Variants in ODAD2 observed in about 807,000 individuals in gnomAD.
ODAD2 encodes outer dynein arm-docking complex subunit 2.
In ODAD2, 89 loss-of-function variants were observed where a neutral mutation model predicts 106.8. The observed-to-expected ratio is 0.83, with a 90% CI of 0.70 to 0.99. ODAD2 has a LOEUF of 0.99. Ranked by LOEUF, ODAD2 falls within the 50% of genes least tolerant of loss-of-function variation. The pLI is 0.00. For missense variants in ODAD2, 1,168 were observed against 1,238.5 expected, an observed-to-expected ratio of 0.94 and a Z score of 0.85; for synonymous variants, 404 against 436.2, an observed-to-expected ratio of 0.93 and a Z score of 0.92.
chr10:27,945,577 C>G (rs567346032), intron 10 of ODAD2, among the ~76,000 whole-genome samples: 1 of 152,088 alleles, frequency 6.6e-6, no homozygotes, highest in Non-Finnish European at 1.5e-5. Context: ...TCTTGCAAAC[C>G]AATGTCTTCT....
chr10:27,864,778 A>G (rs932957091), intron 17 of ODAD2, among the ~76,000 whole-genome samples: 2 of 152,066 alleles, frequency 1.3e-5, no homozygotes, highest in African/African-American at 4.8e-5. Context: ...ACTTGGCTCT[A>G]TCACTTTCTC....
At chr10:27,879,665 A>G (rs1841575218) in intron 17 of ODAD2, among the ~76,000 whole-genome samples, 1 of 152,142 alleles carries the variant, frequency 6.6e-6, no homozygotes, top group Admixed American at 6.5e-5. Context: ...TCTTCAATTT[A>G]TGAAGAGATT....
intron 17 of ODAD2, among the ~76,000 whole-genome samples, chr10:27,893,639 A>T (rs943337631): frequency 7.9e-5 from 12 of 152,260 alleles, no homozygotes; most frequent in African/African-American, 2.9e-4. Flanking sequence ...AGTTGAAAAC[A>T]ATGTAGAAAT....
intron 2 of ODAD2, among the ~76,000 whole-genome samples, chr10:27,994,207 C>T: frequency 6.6e-6 from 1 of 151,806 alleles, no homozygotes; most frequent in East Asian, 1.9e-4. Context: ...TTGAAAGGCT[C>T]TAATCTGAGG....
chr10:27,985,084 C>G lies in ODAD2; in HGVS notation c.510G>C (p.Lys170Asn). The change falls in exon 4 of 20, where the codon AAG becomes AAC. Residue 170 changes from lysine (K) to asparagine (N), a missense_variant. Coordinates refer to ENST00000305242, the MANE Select transcript of ODAD2 (RefSeq NM_018076.5). ...CCAATTGCTTAAGCAGCATAGCAAT[C>G]TTCATCTTAATTTCACTTTCAGGAT... ...DDDPESEIKM[K>N]IAMLLKQLDL... 1 of 1,607,810 alleles carries G rather than the reference C, an allele frequency of 6.2e-7. No individual in the cohort carries two copies. The highest frequency in any genetic ancestry group is 2.2e-5 in the East Asian group (1 of 44,764).
At chr10:27,869,080 C>A (rs1419747630) in intron 17 of ODAD2, among the ~76,000 whole-genome samples, 2 of 151,688 alleles carry the variant, frequency 1.3e-5, no homozygotes, top group East Asian at 1.9e-4. Flanking sequence ...AAAAAAGCAA[C>A]TTTTTAAAAG....
intron 19 of ODAD2, among the ~76,000 whole-genome samples, chr10:27,819,833 T>TAA (rs34381002): frequency 1.4e-5 from 2 of 145,120 alleles, no homozygotes; most frequent in East Asian, 2.0e-4. Context: ...CTTATCTCTT[T>TAA]AAAAAAAAAA....
At chr10:27,876,472 G>A (rs750332533) in intron 17 of ODAD2, among the ~76,000 whole-genome samples, 14 of 152,220 alleles carry the variant, frequency 9.2e-5, no homozygotes, top group Non-Finnish European at 1.8e-4. Flanking sequence ...CAGCAGACCT[G>A]CAGCTGAGGG....
At chr10:27,905,711 C>G (rs1346353477) in intron 17 of ODAD2, among the ~76,000 whole-genome samples, 1 of 152,090 alleles carries the variant, frequency 6.6e-6, no homozygotes, top group Admixed American at 6.6e-5. Context: ...GAAATAATGC[C>G]ACACATCTAC....
chr10:27,866,233 T>G (rs764896532), intron 17 of ODAD2, among the ~76,000 whole-genome samples: 5 of 152,168 alleles, frequency 3.3e-5, no homozygotes, highest in Non-Finnish European at 7.3e-5. Flanking sequence ...AGCTTTAGTA[T>G]TTGCATGTCA....
At position 27,812,517 on chromosome 10, in the gene ODAD2, T is replaced by C. The variant is rs763015694; in HGVS notation, c.3130A>G (p.Thr1044Ala). The C allele has an allele frequency of 3.1e-6, 5 of 1,613,008 alleles. No individual in the cohort carries two copies. Among genetic ancestry groups the C allele is most frequent in the East Asian group, 4.5e-5 (2 of 44,808 alleles). Residue 1044 changes from threonine to alanine, a missense_variant, in exon 20 of 20, where the codon ACT becomes GCT. By Grantham distance (58) the Thr-to-Ala change is moderately conservative. Coordinates refer to ENST00000305242, the MANE Select transcript of ODAD2 (RefSeq NM_018076.5). ...TTGTAATGTCCATTTAAATTTCAAG[T>C]GTATCTTGCCTTCTCTGTAGCAAGA... Reference protein sequence around the residue: ...LALATEKARYT With the variant: ...LALATEKARYA
At chr10:27,971,544 A>G (rs1292409272) in intron 7 of ODAD2, among the ~76,000 whole-genome samples, 1 of 152,116 alleles carries the variant, frequency 6.6e-6, no homozygotes, top group Non-Finnish European at 1.5e-5. Context: ...AACAGATACA[A>G]CTGCAAGGCT....
At position 27,860,834 on chromosome 10, in the gene ODAD2, ATTTATTGTTATT is replaced by A. The variant is rs1373629573; in HGVS notation, c.2800_2811del (p.Asn934_Lys937del). ...ATAGCTTCTGCTAGATGATGTCTCA[ATTTATTGTTATT>A]CTGTGCAAGGGAAAATGAAATGGGA... On this transcript the variant is annotated inframe_deletion and splice_region_variant, in exon 19 of 20. Transcript: ENST00000305242. 1 of 1,613,834 alleles carries A rather than the reference ATTTATTGTTATT, an allele frequency of 6.2e-7. No homozygotes were observed. Among genetic ancestry groups the A allele is most frequent in the Non-Finnish European group, 8.5e-7 (1 of 1,179,870 alleles).
intron 19 of ODAD2, among the ~76,000 whole-genome samples, chr10:27,848,642 AT>A (rs1324483828): frequency 2.8e-4 from 43 of 152,182 alleles, no homozygotes; most frequent in African/African-American, 9.9e-4. Flanking sequence ...ATGGGAGAAA[AT>A]TTTTGCAATC....
chr10:27,886,391 T>A (rs1014365764), intron 17 of ODAD2, among the ~76,000 whole-genome samples: 1 of 151,916 alleles, frequency 6.6e-6, no homozygotes, highest in South Asian at 2.1e-4. Flanking sequence ...ATAATAAAAC[T>A]ATAAACTGAA....
chr10:27,837,791 G>A (rs1373356321), intron 19 of ODAD2, among the ~76,000 whole-genome samples: 7 of 152,146 alleles, frequency 4.6e-5, no homozygotes, highest in African/African-American at 1.4e-4. Context: ...CACAGCATCC[G>A]CAAGCCCTGA....
intron 10 of ODAD2, among the ~76,000 whole-genome samples, chr10:27,953,505 T>C (rs1847510953): frequency 6.6e-6 from 1 of 152,162 alleles, no homozygotes; most frequent in South Asian, 2.1e-4. Flanking sequence ...AGCTGCAGTA[T>C]TGTTTGCAGT....
intron 7 of ODAD2, among the ~76,000 whole-genome samples, chr10:27,981,063 C>G (rs1849511929): frequency 1.3e-5 from 2 of 151,986 alleles, no homozygotes; most frequent in Non-Finnish European, 2.9e-5. Context: ...AGTGAAAGAA[C>G]CCAGACACAA....
In ODAD2 at chr10:27,944,428, C is replaced by A. The variant is rs752762752; in HGVS notation, c.1537G>T (p.Gly513Cys). 2 of 1,611,890 alleles carry A rather than the reference C, an allele frequency of 1.2e-6. No homozygotes were observed. Among genetic ancestry groups the A allele is most frequent in the African/African-American group, 1.3e-5 (1 of 74,924 alleles). Residue 513 changes from glycine to cysteine, a missense_variant, in exon 12 of 20, where the codon GGT becomes TGT. Around this residue, in one of 3 missense-constraint regions of ODAD2, gnomAD observed 701 missense variants for 712.3 expected, o/e 0.98. Coordinates refer to ENST00000305242, the MANE Select transcript of ODAD2 (RefSeq NM_018076.5). ...ATTTCCTTCAGTATTTTTAATGAAC[C>A]AATCTGTGTGAGAAAAAAAAAGATG... ...LETDEVKCKI[G>C]SLKILKEISH... is the part of the protein sequence containing the mutation.
Sources: gnomAD v4.1 joint callset for allele counts (sites outside exome capture counted in the v4.1 genomes callset) on GRCh38, gnomAD v4.1.1 for gene constraint, gnomAD v4.1.1 regional missense constraint, MANE v1.5 for transcripts, NCBI Gene and HGNC (gene_info 2026-07-23, HGNC 2026-07-21) for gene names.